The following SDHA variants were observed in gnomAD, a reference collection of about 807,000 sequenced individuals.
The protein encoded by SDHA is succinate dehydrogenase [ubiquinone] flavoprotein subunit, mitochondrial.
In SDHA, 48 loss-of-function variants were observed where a neutral mutation model predicts 78.4. The observed-to-expected ratio is 0.61, with a 90% CI of 0.49 to 0.78. The LOEUF (loss-of-function observed/expected upper bound fraction) is 0.78. SDHA is among the 30% of genes least tolerant of loss of function. The pLI is 0.00. For missense variants in SDHA, 680 were observed against 892.7 expected, an observed-to-expected ratio of 0.76 and a Z score of 3.04; for synonymous variants, 326 against 353.9, an observed-to-expected ratio of 0.92 and a Z score of 0.88.
intron 6 of SDHA, among the ~76,000 whole-genome samples, chr5:229,194 C>A (rs9687745): frequency 6.6e-6 from 1 of 152,006 alleles, no homozygotes; most frequent in South Asian, 2.1e-4. Flanking sequence ...ACAACTATTA[C>A]GGAAAACTCT....
intron 7 of SDHA, among the ~76,000 whole-genome samples, chr5:231,713 A>T (rs533902153): frequency 1.3e-5 from 2 of 152,270 alleles, no homozygotes; most frequent in East Asian, 3.9e-4. Flanking sequence ...CTGAGTGAAC[A>T]TTCTGAGAGC....
intron 12 of SDHA, 65 bp from the exon 13 acceptor site, chr5:251,273 G>C (rs1736806224): frequency 3.2e-6 from 5 of 1,578,812 alleles, no homozygotes; most frequent in Non-Finnish European, 3.5e-6. Context: ...GGCCCAGGCT[G>C]ACAGCTCGGA....
intron 5 of SDHA, among the ~76,000 whole-genome samples, chr5:226,729 C>T (rs533375858): frequency 3.9e-5 from 6 of 151,978 alleles, no homozygotes; most frequent in Admixed American, 1.3e-4. Flanking sequence ...GAGTTTGAGG[C>T]CATCTTGCCT....
chr5:254,110 GC>G (rs1737026034), intron 13 of SDHA, among the ~76,000 whole-genome samples: 1 of 147,944 alleles, frequency 6.8e-6, no homozygotes, highest in Admixed American at 6.8e-5. Flanking sequence ...AGCACATGGA[GC>G]AAAAAGACAA....
intron 11 of SDHA, among the ~76,000 whole-genome samples, chr5:247,544 C>G (rs1736537727): frequency 6.6e-6 from 1 of 152,220 alleles, no homozygotes; most frequent in African/African-American, 2.4e-5. Context: ...TCCAGCGATG[C>G]CCAACTTGCC....
intron 11 of SDHA, among the ~76,000 whole-genome samples, chr5:243,789 T>C (rs1736281839): frequency 6.6e-6 from 1 of 152,138 alleles, no homozygotes; most frequent in African/African-American, 2.4e-5. Flanking sequence ...ACTTAGTTGA[T>C]TATATCAAGG....
chr5:258,538 T>G (rs1737358107), downstream of SDHA, among the ~76,000 whole-genome samples: 1 of 95,794 alleles, frequency 1.0e-5, no homozygotes, highest in Non-Finnish European at 1.8e-5. Flanking sequence ...TACTGTGAGC[T>G]CCTTCTCCTC....
the SDHA span, among the ~76,000 whole-genome samples, chr5:263,818 T>C: frequency 1.3e-5 from 2 of 151,814 alleles, no homozygotes; most frequent in African/African-American, 4.9e-5. Context: ...AACAAAAGTA[T>C]GTGGCATTTG....
chr5:225,439 G>C lies in SDHA; in HGVS notation c.333G>C (p.Leu111=), dbSNP rs1477038715. ...TCCAGGGAGGAATCAATGCTGCTCT[G>C]GGGAACATGGAGGAGGACAACTGGA... ...VAAQGGINAA[L]GNMEEDNWRW... The change falls in exon 4 of 15, where the codon CTG becomes CTC. Residue 111 remains leucine, a synonymous_variant. Transcript: ENST00000264932. 6.2e-7 allele frequency: 1 copy of C among 1,612,856 alleles called. No homozygotes were observed. Among genetic ancestry groups the C allele is most frequent in the Non-Finnish European group, 8.5e-7 (1 of 1,179,870 alleles).
chr5:250,608 A>G (rs1359974872), intron 11 of SDHA: 3 of 344,300 alleles, frequency 8.7e-6, no homozygotes, highest in South Asian at 2.3e-5. Context: ...GGCTTGTGTC[A>G]CGTTCACCAC....
At chr5:227,332 G>A (rs1228331894) in intron 5 of SDHA, among the ~76,000 whole-genome samples, 1 of 152,230 alleles carries the variant, frequency 6.6e-6, no homozygotes. Context: ...AATATTAACT[G>A]TTAACACTGA....
In SDHA at chr5:247,799, C is replaced by T. The variant is rs138301275; in HGVS notation, c.1552-3193C>T. Among the ~76,000 whole-genome samples, 825 of 152,298 alleles carry T rather than the reference C, an allele frequency of 5.4e-3. 3 individuals are homozygous for T. Among genetic ancestry groups the T allele is most frequent in the Middle Eastern group, 0.024 (7 of 294 alleles). Reference sequence around the variant, plus strand: ...TTCTAGCTTCTATTAAAACAGATAACGCCCCAGGCTATACTAGCCAAGCTC... The same window carrying T: ...TTCTAGCTTCTATTAAAACAGATAATGCCCCAGGCTATACTAGCCAAGCTC... On this transcript the variant is annotated intron_variant, in intron 11 of 14. Transcript: ENST00000264932.
chr5:225,266 G>A (rs1385476872), intron 3 of SDHA, among the ~76,000 whole-genome samples, 153 bp from the exon 4 acceptor site: 2 of 152,128 alleles, frequency 1.3e-5, no homozygotes, highest in African/African-American at 4.8e-5. Flanking sequence ...AATCTGTCGG[G>A]TCTCGCTGCT....
chr5:240,343 T>A lies in SDHA; in HGVS notation c.1433-15T>A. ...CGGTTTTCAAAAGTTAAATTCTAGC[T>A]TTTTTTTGTTTTAGGAGATAAAGTC... On this transcript the variant is annotated splice_polypyrimidine_tract_variant and intron_variant, in intron 10 of 14. Transcript: ENST00000264932. 1 of 1,446,284 alleles carries A rather than the reference T, an allele frequency of 6.9e-7. No homozygotes were observed. Among genetic ancestry groups the A allele is most frequent in the Admixed American group, 1.7e-5 (1 of 58,860 alleles). The allele number at this position is 1,446,284 out of a possible 1,614,324, so 89.6% of individuals were successfully genotyped here.
In SDHA at chr5:233,619, C is replaced by G. The variant is rs1041949; in HGVS notation, c.1038C>G (p.Ser346=). 0.15 allele frequency: 239,549 copies of G among 1,613,646 alleles called. 25,488 individuals are homozygous for G. The highest frequency in any genetic ancestry group is 0.56 in the African/African-American group (42,175 of 74,912). Residue 346 remains serine (S), a synonymous_variant, in exon 8 of 15, where the codon TCC becomes TCG. Coordinates refer to ENST00000264932, the MANE Select transcript of SDHA (RefSeq NM_004168.4). ...CGTCTAGAGATGTGGTGTCTCGGTC[C>G]ATGACTCTGGAGATCCGAGAAGGAA... ...DLASRDVVSR[S]MTLEIREGRG...
At chr5:238,446 T>G (rs1171138661) in intron 10 of SDHA, among the ~76,000 whole-genome samples, 1 of 131,872 alleles carries the variant, frequency 7.6e-6, no homozygotes, top group Non-Finnish European at 1.6e-5. Context: ...CATATATATG[T>G]ATTTTTTTTT....
chr5:233,883 G>A (rs1478805492), intron 8 of SDHA: 1 of 492,300 alleles, frequency 2.0e-6, no homozygotes. Flanking sequence ...GTGTGTGTGA[G>A]TATGTGACGG....
downstream of SDHA, among the ~76,000 whole-genome samples, chr5:258,534 G>A (rs1440648225): frequency 8.5e-6 from 1 of 117,830 alleles, no homozygotes; most frequent in Non-Finnish European, 1.6e-5. Flanking sequence ...GCATTACTGT[G>A]AGCTCCTTCT....
intron 11 of SDHA, among the ~76,000 whole-genome samples, chr5:245,509 A>C (rs1736389936): frequency 1.3e-5 from 2 of 152,310 alleles, no homozygotes; most frequent in South Asian, 4.1e-4. Flanking sequence ...AATTGAACCT[A>C]CTCATAAAAC....
Sources: allele counts gnomAD v4.1 joint callset (sites outside exome capture counted in the v4.1 genomes callset), GRCh38; gene constraint gnomAD v4.1.1; transcripts MANE v1.5; gene names NCBI Gene and HGNC (gene_info 2026-07-23, HGNC 2026-07-21).